The following YWHAE variants were observed in gnomAD, a reference collection of about 807,000 sequenced individuals.
YWHAE encodes the protein tyrosine 3-monooxygenase/tryptophan 5-monooxygenase activation protein epsilon.
In YWHAE, 4 loss-of-function variants were observed where a neutral mutation model predicts 30.1. The ratio of observed to expected loss-of-function variants is 0.13; its 90% CI spans 0.07 to 0.30. YWHAE has a LOEUF of 0.30. YWHAE is among the 10% of genes least tolerant of loss of function. The pLI is 1.00. For missense variants in YWHAE, 121 were observed against 315.9 expected (o/e 0.38, Z 4.68); for synonymous variants, 118 against 111.8 (o/e 1.06, Z -0.35).
chr17:1,392,290 A>C (rs2073400051), intron 1 of YWHAE, among the ~76,000 whole-genome samples: 1 of 152,220 alleles, frequency 6.6e-6, no homozygotes, highest in South Asian at 2.1e-4. Flanking sequence ...TGGGATGATC[A>C]TTTGGGCCTG....
At position 1,382,717 on chromosome 17, in the gene YWHAE, T is replaced by A. The variant is rs112439189; in HGVS notation, c.64+17330A>T. 2.3e-4 allele frequency among the ~76,000 whole-genome samples: 35 copies of A among 152,186 alleles called. 1 individual carries two copies. The highest frequency in any genetic ancestry group is 8.4e-4 in the African/African-American group (35 of 41,542). On this transcript the variant is annotated intron_variant, in intron 1 of 5. Transcript: ENST00000264335. ...ACTGCTGACTTTACATTTAAATTCATCTTTTGCAGTAAGAAATGAAAAACA... is the reference window on the plus strand; with the variant it reads ...ACTGCTGACTTTACATTTAAATTCAACTTTTGCAGTAAGAAATGAAAAACA...
Position 1,347,177 on chromosome 17 carries a change from A to C in YWHAE, c.716-1678T>G, listed in dbSNP as rs2072536292. On this transcript the variant is annotated intron_variant, in intron 5 of 5. Coordinates refer to ENST00000264335, the MANE Select transcript of YWHAE (RefSeq NM_006761.5). Reference sequence around the variant, plus strand: ...CCTGTCTCTACTAAAAATACAAAAAAAAAAAAAAAAAATTAGCCAGGCATG... The same window carrying C: ...CCTGTCTCTACTAAAAATACAAAAACAAAAAAAAAAAATTAGCCAGGCATG... Among the ~76,000 whole-genome samples, 2 of 150,696 alleles carry C rather than the reference A, an allele frequency of 1.3e-5. 1 individual carries two copies. The highest frequency in any genetic ancestry group is 4.2e-4 in the South Asian group (2 of 4,784).
At chr17:1,359,037 G>A (rs1326339731) in intron 4 of YWHAE, among the ~76,000 whole-genome samples, 1 of 151,940 alleles carries the variant, frequency 6.6e-6, no homozygotes, top group Admixed American at 6.6e-5. Flanking sequence ...TTTGGATGCT[G>A]AGGCAGGAGA....
intron 1 of YWHAE, among the ~76,000 whole-genome samples, chr17:1,396,316 C>T (rs1477939036): frequency 2.7e-5 from 4 of 147,066 alleles, no homozygotes; most frequent in African/African-American, 5.1e-5. Flanking sequence ...CCCAGCTACT[C>T]GGGAGGGTGA....
intron 1 of YWHAE, among the ~76,000 whole-genome samples, chr17:1,381,624 C>T (rs888605969): frequency 1.3e-5 from 2 of 151,910 alleles, no homozygotes; most frequent in South Asian, 2.1e-4. Flanking sequence ...AACATAAATG[C>T]ACTGAGGAAG....
Position 1,395,622 on chromosome 17 carries a change from G to A in YWHAE, c.64+4425C>T, listed in dbSNP as rs141740769. On this transcript the variant is annotated intron_variant, in intron 1 of 5. Coordinates refer to ENST00000264335, the MANE Select transcript of YWHAE (RefSeq NM_006761.5). ...AGAAAGTTAGTCCATTAACTGAAAC[G>A]GCAATGGAAAATTACTGGCCTACAG... Among the ~76,000 whole-genome samples, 29 of 151,922 alleles carry A rather than the reference G, an allele frequency of 1.9e-4. No individual in the cohort carries two copies. In the East Asian group the frequency reaches 4.6e-3, roughly 24 times the overall value.
chr17:1,377,068 C>T (rs998334054), intron 1 of YWHAE, among the ~76,000 whole-genome samples: 3 of 151,958 alleles, frequency 2.0e-5, no homozygotes, highest in South Asian at 2.1e-4. Context: ...TGCCCGCCAA[C>T]GTGCACGGCT....
intron 1 of YWHAE, among the ~76,000 whole-genome samples, chr17:1,381,567 A>C (rs1190227313): frequency 6.6e-6 from 1 of 152,110 alleles, no homozygotes; most frequent in Non-Finnish European, 1.5e-5. Flanking sequence ...TCAAGAATGC[A>C]TGTAAAGGGG....
chr17:1,365,802 G>GTC (rs918897416), intron 1 of YWHAE, among the ~76,000 whole-genome samples: 1 of 152,092 alleles, frequency 6.6e-6, no homozygotes. Flanking sequence ...TTCAATCTTT[G>GTC]GTGATGAGAC....
At chr17:1,383,294 G>C (rs1025270841) in intron 1 of YWHAE, among the ~76,000 whole-genome samples, 1 of 151,966 alleles carries the variant, frequency 6.6e-6, no homozygotes, top group Non-Finnish European at 1.5e-5. Context: ...AGGTTTCCGC[G>C]AGCTGAGATC....
chr17:1,391,205 C>T (rs757315466), intron 1 of YWHAE, among the ~76,000 whole-genome samples: 1 of 152,124 alleles, frequency 6.6e-6, no homozygotes, highest in African/African-American at 2.4e-5. Context: ...TTAACTAGCA[C>T]GTTCCCATTT....
At chr17:1,354,693 G>C (rs549116562) in intron 4 of YWHAE, among the ~76,000 whole-genome samples, 2 of 152,136 alleles carry the variant, frequency 1.3e-5, no homozygotes, top group East Asian at 1.9e-4. Flanking sequence ...GACGGAGTCT[G>C]GCTCTGTCGC....
intron 1 of YWHAE, among the ~76,000 whole-genome samples, chr17:1,369,414 A>G (rs2072995631): frequency 6.6e-6 from 1 of 152,330 alleles, no homozygotes; most frequent in Admixed American, 6.5e-5. Context: ...GATTTGCTTG[A>G]ACCCGGGAGG....
At chr17:1,380,711 C>CTAA (rs2073193789) in intron 1 of YWHAE, among the ~76,000 whole-genome samples, 1 of 152,158 alleles carries the variant, frequency 6.6e-6, no homozygotes, top group Non-Finnish European at 1.5e-5. Context: ...GAATCTAAGT[C>CTAA]TAATAAAGCC....
chr17:1,398,215 A>C (rs2073503189), intron 1 of YWHAE, among the ~76,000 whole-genome samples: 1 of 152,180 alleles, frequency 6.6e-6, no homozygotes, highest in African/African-American at 2.4e-5. Context: ...TAAGAGGGGA[A>C]CATCTGGAGA....
At chr17:1,371,755 T>C (rs1210264305) in intron 1 of YWHAE, among the ~76,000 whole-genome samples, 1 of 152,124 alleles carries the variant, frequency 6.6e-6, no homozygotes, top group African/African-American at 2.4e-5. Flanking sequence ...AAAATCTAAG[T>C]GGTGTGGTCA....
intron 3 of YWHAE, 126 bp downstream of exon 3, chr17:1,361,776 T>A: frequency 1.7e-6 from 1 of 597,704 alleles, no homozygotes; most frequent in Non-Finnish European, 2.8e-6. Context: ...CATTACAATA[T>A]TAACTATCCT....
intron 1 of YWHAE, among the ~76,000 whole-genome samples, chr17:1,380,165 G>A (rs1209009622): frequency 1.3e-5 from 2 of 150,280 alleles, no homozygotes; most frequent in African/African-American, 4.9e-5. Context: ...CCAGGCTGGA[G>A]TGCACTGGCA....
intron 5 of YWHAE, among the ~76,000 whole-genome samples, chr17:1,347,269 C>T (rs559270133): frequency 6.6e-6 from 1 of 150,906 alleles, no homozygotes; most frequent in South Asian, 2.1e-4. Flanking sequence ...GGAGGCGGAG[C>T]TTTCAGTGAG....
Sources: gnomAD v4.1 joint callset for allele counts (sites outside exome capture counted in the v4.1 genomes callset) on GRCh38, gnomAD v4.1.1 for gene constraint, MANE v1.5 for transcripts, NCBI Gene and HGNC (gene_info 2026-07-23, HGNC 2026-07-21) for gene names.